IMPG2: variants seen among roughly 807,000 people sequenced by gnomAD.
The protein encoded by IMPG2 is interphotoreceptor matrix proteoglycan 2.
IMPG2 carries 91 observed loss-of-function variants against 129.2 expected under a neutral mutation model. The observed-to-expected ratio is 0.70, with a 90% CI of 0.59 to 0.84. IMPG2 has a LOEUF of 0.84. IMPG2 is among the 40% of genes least tolerant of loss of function. The probability of loss-of-function intolerance (pLI) is 0.00; values close to 1 mark genes in which losing one functional copy is unlikely to be tolerated. For synonymous variants in IMPG2, 510 were observed against 517.7 expected, an observed-to-expected ratio of 0.99 and a Z score of 0.20; for missense variants, 1,430 against 1,461.7, an observed-to-expected ratio of 0.98 and a Z score of 0.35.
At chr3:101,256,862 C>T (rs1485365873) in intron 10 of IMPG2, among the ~76,000 whole-genome samples, 1 of 151,988 alleles carries the variant, frequency 6.6e-6, no homozygotes, top group African/African-American at 2.4e-5. Flanking sequence ...AGCAGGATAC[C>T]GTGGCCCTGA....
At chr3:101,247,554 G>A (rs1236347042) in intron 11 of IMPG2, among the ~76,000 whole-genome samples, 4 of 151,788 alleles carry the variant, frequency 2.6e-5, no homozygotes, top group Non-Finnish European at 5.9e-5. Context: ...CCAAGATTGT[G>A]CCATTGTACT....
intron 4 of IMPG2, among the ~76,000 whole-genome samples, chr3:101,279,535 C>A (rs891524186): frequency 6.6e-6 from 1 of 152,012 alleles, no homozygotes; most frequent in African/African-American, 2.4e-5. Flanking sequence ...GTGTAAGGTC[C>A]CAGAAAGAGG....
chr3:101,270,831 T>C (rs976153435), intron 7 of IMPG2, among the ~76,000 whole-genome samples: 2 of 152,120 alleles, frequency 1.3e-5, no homozygotes, highest in African/African-American at 4.8e-5. Context: ...CAAAAATGCA[T>C]ATTTTAACAA....
chr3:101,274,371 TAATGTTCCTA>T (rs1706820546), intron 6 of IMPG2, among the ~76,000 whole-genome samples: 1 of 152,162 alleles, frequency 6.6e-6, no homozygotes, highest in South Asian at 2.1e-4. Context: ...TACAATGTTC[TAATGTTCCTA>T]TGTTGCTCAG....
intron 2 of IMPG2, among the ~76,000 whole-genome samples, chr3:101,308,373 C>G (rs779226075): frequency 2.6e-5 from 4 of 152,262 alleles, no homozygotes; most frequent in African/African-American, 9.6e-5. Context: ...GCCTGGACAT[C>G]CAGACATTTC....
At chr3:101,315,557 A>T (rs931820555) in intron 2 of IMPG2, among the ~76,000 whole-genome samples, 4 of 152,190 alleles carry the variant, frequency 2.6e-5, no homozygotes, top group African/African-American at 4.8e-5. Flanking sequence ...TATACGAAAC[A>T]TAACTGAATT....
chr3:101,305,423 T>A (rs576215842), intron 2 of IMPG2, among the ~76,000 whole-genome samples: 1 of 152,272 alleles, frequency 6.6e-6, no homozygotes, highest in South Asian at 2.1e-4. Context: ...TCGTTATACA[T>A]TTGTCAAAAC....
intron 3 of IMPG2, 128 bp from the exon 4 acceptor site, chr3:101,291,638 G>C: frequency 1.4e-6 from 1 of 723,154 alleles, no homozygotes; most frequent in Non-Finnish European, 2.5e-6. Context: ...TCTATGGTTA[G>C]ACAAGTGATT....
In IMPG2 at chr3:101,239,930, C is replaced by T. The variant is rs146550594; in HGVS notation, c.3022+2758G>A. On this transcript the variant is annotated intron_variant, in intron 14 of 18. Coordinates refer to ENST00000193391, the MANE Select transcript of IMPG2 (RefSeq NM_016247.4). ...ATGGGGGCCTGTCAGGGGTGGAGTG[C>T]TAGAGGAGGGATAGCTTTAGGAGAT... is the stretch of plus-strand genomic sequence containing the variant. Among the ~76,000 whole-genome samples, 793 of 152,048 alleles carry T rather than the reference C, an allele frequency of 5.2e-3. 11 individuals carry two copies. The highest frequency in any genetic ancestry group is 0.018 in the African/African-American group (753 of 41,468).
intron 18 of IMPG2, among the ~76,000 whole-genome samples, chr3:101,228,539 A>G (rs1244619696): frequency 6.6e-6 from 1 of 152,234 alleles, no homozygotes; most frequent in Non-Finnish European, 1.5e-5. Flanking sequence ...TATCACTGTC[A>G]TCTTAAGTAA....
chr3:101,279,360 A>C (rs1706870018), intron 4 of IMPG2, among the ~76,000 whole-genome samples: 1 of 152,158 alleles, frequency 6.6e-6, no homozygotes, highest in African/African-American at 2.4e-5. Flanking sequence ...GCCAATGGAG[A>C]AGCTGTTATG....
At chr3:101,302,645 A>G (rs1707150874) in intron 3 of IMPG2, among the ~76,000 whole-genome samples, 1 of 152,256 alleles carries the variant, frequency 6.6e-6, no homozygotes, top group South Asian at 2.1e-4. Context: ...GGTTGCTGTT[A>G]TAACATCTAA....
intron 2 of IMPG2, among the ~76,000 whole-genome samples, chr3:101,311,001 C>T (rs1328936052): frequency 1.3e-5 from 2 of 152,082 alleles, no homozygotes; most frequent in Admixed American, 1.3e-4. Flanking sequence ...GTAGTCTATT[C>T]AAATTCAATT....
rs949928496 is a variant in IMPG2 at position 101,320,203 on chromosome 3, C to A, written c.85+85G>T. Reference sequence around the variant, plus strand: ...AAGTAGTATTTGATTCCATTTCTTACAGCAATCACATCAAATAATCCTATT... The same window carrying A: ...AAGTAGTATTTGATTCCATTTCTTAAAGCAATCACATCAAATAATCCTATT... On this transcript the variant is annotated intron_variant, in intron 1 of 18. Coordinates refer to ENST00000193391, the MANE Select transcript of IMPG2 (RefSeq NM_016247.4). 1.2e-5 allele frequency: 10 copies of A among 803,740 alleles called. No homozygotes were observed. The South Asian group carries it at 1.5e-4, about 12-fold the overall frequency. 49.8% of individuals were successfully genotyped at this position (803,740 alleles called of 1,614,324 possible).
intron 12 of IMPG2, among the ~76,000 whole-genome samples, chr3:101,245,302 C>T (rs1397626073): frequency 2.0e-5 from 3 of 152,134 alleles, no homozygotes; most frequent in Admixed American, 1.3e-4. Flanking sequence ...TTTTTCCTTT[C>T]TTCCACAACA....
intron 11 of IMPG2, among the ~76,000 whole-genome samples, chr3:101,249,280 T>C (rs370278709): frequency 6.6e-6 from 1 of 152,216 alleles, no homozygotes; most frequent in East Asian, 1.9e-4. Context: ...GGATGAGTGA[T>C]ATTATGCAAA....
intron 14 of IMPG2, among the ~76,000 whole-genome samples, chr3:101,240,490 A>G (rs1418703548): frequency 6.6e-6 from 1 of 152,200 alleles, no homozygotes. Flanking sequence ...TTGCATTTGT[A>G]TAGTTAGTCA....
At chr3:101,318,327 G>T (rs2058795518) in intron 2 of IMPG2, among the ~76,000 whole-genome samples, 1 of 151,812 alleles carries the variant, frequency 6.6e-6, no homozygotes, top group African/African-American at 2.4e-5. Flanking sequence ...TACTCAAAAT[G>T]CCAGGTCTGT....
At chr3:101,256,035 A>G (rs1706595113) in intron 10 of IMPG2, among the ~76,000 whole-genome samples, 1 of 151,080 alleles carries the variant, frequency 6.6e-6, no homozygotes, top group Non-Finnish European at 1.5e-5. Context: ...AGCAATGTAA[A>G]GTTTTAGTCT....
Sources: allele counts gnomAD v4.1 joint callset (sites outside exome capture counted in the v4.1 genomes callset), GRCh38; gene constraint gnomAD v4.1.1; transcripts MANE v1.5; gene names NCBI Gene and HGNC (gene_info 2026-07-23, HGNC 2026-07-21).